The following EPHA5 variants were observed in gnomAD, a reference collection of about 807,000 sequenced individuals.
EPHA5 encodes the protein ephrin type-A receptor 5.
In EPHA5, 60 loss-of-function variants were observed where a neutral mutation model predicts 105.0. That is an observed-to-expected ratio of 0.57 (90% CI 0.46 to 0.71). The LOEUF is 0.71. Among genes scored for constraint, EPHA5 ranks in the 30% least tolerant of loss-of-function variants. The pLI is 0.00. For missense variants in EPHA5, 1,218 were observed against 1,274.7 expected (o/e 0.96, Z 0.68); for synonymous variants, 513 against 449.1 (o/e 1.14, Z -1.80).
At chr4:65,627,847 T>C (rs1286770668) in intron 2 of EPHA5, among the ~76,000 whole-genome samples, 1 of 152,176 alleles carries the variant, frequency 6.6e-6, no homozygotes, top group Non-Finnish European at 1.5e-5. Context: ...TGTTAATATC[T>C]TTGTGCATGT....
intron 10 of EPHA5, 112 bp from the exon 11 acceptor site, chr4:65,365,314 C>A (rs1366399889): frequency 4.9e-6 from 4 of 815,230 alleles, no homozygotes; most frequent in South Asian, 1.8e-5. Context: ...AACAAACAAA[C>A]AAACAAACAA....
intron 5 of EPHA5, among the ~76,000 whole-genome samples, chr4:65,467,565 A>G (rs1034325614): frequency 6.6e-6 from 1 of 152,180 alleles, no homozygotes; most frequent in African/African-American, 2.4e-5. Flanking sequence ...AAGGAGAAAA[A>G]TTCAGTTATC....
chr4:65,524,956 C>T (rs114384616), intron 3 of EPHA5, among the ~76,000 whole-genome samples: 405 of 151,736 alleles, frequency 2.7e-3, no homozygotes, highest in African/African-American at 9.0e-3. Context: ...CATAATGACA[C>T]GTATCATTAA....
At chr4:65,504,617 G>A (rs1481706460) in intron 3 of EPHA5, among the ~76,000 whole-genome samples, 5 of 151,850 alleles carry the variant, frequency 3.3e-5, no homozygotes, top group Non-Finnish European at 7.4e-5. Flanking sequence ...TCTCCATCTC[G>A]ACAATGCGGA....
At chr4:65,379,276 T>TATAC (rs71657405) in intron 8 of EPHA5, among the ~76,000 whole-genome samples, 2 of 150,018 alleles carry the variant, frequency 1.3e-5, no homozygotes, top group Non-Finnish European at 1.5e-5. Context: ...AGTATGCACA[T>TATAC]ACACACACAC....
In EPHA5 at chr4:65,367,396, C is replaced by G. The variant is rs561015414; in HGVS notation, c.1822G>C (p.Asp608His). The G allele has an allele frequency of 6.2e-7, 1 of 1,612,234 alleles. No individual in the cohort carries two copies. ...RRCGYSKAKQDPEEEKMHFHN... is the reference protein window; with the variant it reads ...RRCGYSKAKQHPEEEKMHFHN... The stretch of plus-strand genomic sequence containing the variant: ...AAATGCATCTTTTCCTCTTCTGGAT[C>G]TTGTTTTGCTTTGCTGTAGCCACAC... The change falls in exon 9 of 17, where the codon GAT becomes CAT. Residue 608 changes from aspartate (D) to histidine (H), a missense_variant. Coordinates refer to ENST00000613740, the MANE Select transcript of EPHA5 (RefSeq NM_001281766.3).
chr4:65,571,321 TAA>T (rs55885870), intron 3 of EPHA5, among the ~76,000 whole-genome samples: 88 of 140,244 alleles, frequency 6.3e-4, no homozygotes, highest in East Asian at 3.6e-3. Context: ...TGTTTACAAG[TAA>T]AAAAAAAAAA....
At chr4:65,414,159 G>T (rs1161807166) in intron 7 of EPHA5, 125 bp downstream of exon 7, 4 of 843,808 alleles carry the variant, frequency 4.7e-6, no homozygotes, top group East Asian at 5.2e-5. Flanking sequence ...ACCTGAAGGG[G>T]TCATGCCTGG....
chr4:65,454,688 A>T (rs1219220284), intron 5 of EPHA5, among the ~76,000 whole-genome samples: 2 of 152,224 alleles, frequency 1.3e-5, no homozygotes, highest in Admixed American at 1.3e-4. Flanking sequence ...TTGGAAATTG[A>T]TGCCTATTAT....
intron 13 of EPHA5, among the ~76,000 whole-genome samples, chr4:65,348,808 TATATA>T (rs1169252911): frequency 3.9e-4 from 26 of 67,048 alleles, no homozygotes; most frequent in African/African-American, 1.4e-3. Context: ...TATATATATA[TATATA>T]TATTTTTTTT....
At chr4:65,411,296 G>T (rs1722885325) in intron 7 of EPHA5, among the ~76,000 whole-genome samples, 1 of 151,742 alleles carries the variant, frequency 6.6e-6, no homozygotes, top group Non-Finnish European at 1.5e-5. Flanking sequence ...GCTATATTTT[G>T]ACTTACAAGA....
intron 2 of EPHA5, among the ~76,000 whole-genome samples, chr4:65,634,354 G>T (rs1746918523): frequency 6.6e-6 from 1 of 152,008 alleles, no homozygotes; most frequent in South Asian, 2.1e-4. Context: ...AATATGCTAT[G>T]ACTATTATCA....
intron 14 of EPHA5, 67 bp from the exon 15 acceptor site, chr4:65,336,192 G>A (rs2148814543): frequency 1.6e-6 from 2 of 1,277,704 alleles, no homozygotes; most frequent in Non-Finnish European, 2.1e-6. Flanking sequence ...CTTTAAAAAT[G>A]TCCCACTGTC....
chr4:65,628,403 T>A (rs1746337538), intron 2 of EPHA5, among the ~76,000 whole-genome samples: 1 of 152,106 alleles, frequency 6.6e-6, no homozygotes, highest in Non-Finnish European at 1.5e-5. Context: ...AGAAAGAACT[T>A]TCAATATCTG....
chr4:65,409,957 G>A (rs534163149), intron 7 of EPHA5, among the ~76,000 whole-genome samples: 2 of 152,150 alleles, frequency 1.3e-5, no homozygotes, highest in Admixed American at 6.6e-5. Flanking sequence ...ATCCATTGCT[G>A]GTGGAAACGG....
chr4:65,463,747 A>AT (rs1321604957), intron 5 of EPHA5, among the ~76,000 whole-genome samples: 2 of 152,004 alleles, frequency 1.3e-5, no homozygotes, highest in African/African-American at 2.4e-5. Flanking sequence ...TCATGTAGTT[A>AT]TTTTTTTGCA....
chr4:65,392,660 C>T (rs1396417469), intron 8 of EPHA5, among the ~76,000 whole-genome samples: 1 of 152,050 alleles, frequency 6.6e-6, no homozygotes. Context: ...GAAATCATTG[C>T]ATTTACTTTG....
chr4:65,428,237 T>C lies in EPHA5; in HGVS notation c.1403-7672A>G, dbSNP rs77588471. ...TTATTCAAAATTATTAACAGAAAAGTAAGGCAGACATAATATACACACTCA... is the reference window on the plus strand; with the variant it reads ...TTATTCAAAATTATTAACAGAAAAGCAAGGCAGACATAATATACACACTCA... On this transcript the variant is annotated intron_variant, in intron 5 of 16. Transcript: ENST00000613740. 5.7e-4 allele frequency among the ~76,000 whole-genome samples: 87 copies of C among 152,238 alleles called. 3 individuals are homozygous for C. The East Asian group carries it at 0.017, about 29-fold the overall frequency.
intron 1 of EPHA5, among the ~76,000 whole-genome samples, chr4:65,654,649 G>C (rs2149535028): frequency 6.7e-6 from 1 of 148,330 alleles, no homozygotes; most frequent in South Asian, 2.1e-4. Flanking sequence ...AGCATTTACA[G>C]ATACATATAT....
Sources: allele counts gnomAD v4.1 joint callset (sites outside exome capture counted in the v4.1 genomes callset), GRCh38; gene constraint gnomAD v4.1.1; transcripts MANE v1.5; gene names NCBI Gene and HGNC (gene_info 2026-07-23, HGNC 2026-07-21).